KIF18A: variants seen among roughly 807,000 people sequenced by gnomAD.
KIF18A encodes kinesin-like protein KIF18A.
KIF18A carries 67 observed loss-of-function variants against 103.3 expected under a neutral mutation model. The ratio of observed to expected loss-of-function variants is 0.65; its 90% CI spans 0.53 to 0.79. The LOEUF (loss-of-function observed/expected upper bound fraction) is 0.79. KIF18A is among the 30% of genes least tolerant of loss of function. KIF18A has a pLI of 0.00. For missense variants in KIF18A, 1,032 were observed against 1,062.5 expected (o/e 0.97, Z 0.40); for synonymous variants, 367 against 355.5 (o/e 1.03, Z -0.36).
intron 15 of KIF18A, among the ~76,000 whole-genome samples, chr11:28,029,692 A>G (rs1410018615): frequency 2.0e-5 from 3 of 151,448 alleles, no homozygotes; most frequent in Non-Finnish European, 4.4e-5. Context: ...CAATGAGGCA[A>G]GAGAAGGAAA....
At chr11:28,080,512 T>A (rs1222140243) in intron 9 of KIF18A, among the ~76,000 whole-genome samples, 1 of 152,130 alleles carries the variant, frequency 6.6e-6, no homozygotes, top group Non-Finnish European at 1.5e-5. Flanking sequence ...CATGGTGATT[T>A]GTGACCAATG....
intron 13 of KIF18A, among the ~76,000 whole-genome samples, chr11:28,058,489 GAAAAAAA>G (rs34177202): frequency 3.7e-5 from 2 of 54,246 alleles, no homozygotes; most frequent in Non-Finnish European, 6.6e-5. Flanking sequence ...GTTTCTACAG[GAAAAAAA>G]AAAAAAAAAA....
At chr11:28,080,124 A>T (rs1851145939) in intron 9 of KIF18A, among the ~76,000 whole-genome samples, 1 of 152,148 alleles carries the variant, frequency 6.6e-6, no homozygotes, top group Non-Finnish European at 1.5e-5. Flanking sequence ...AGAAAAGAAC[A>T]ATATGAGCGC....
chr11:28,099,362 C>T (rs928252204), intron 1 of KIF18A, among the ~76,000 whole-genome samples: 5 of 151,882 alleles, frequency 3.3e-5, no homozygotes, highest in Non-Finnish European at 7.4e-5. Flanking sequence ...AAATGTTGGT[C>T]AAAGGGTACA....
At chr11:28,036,112 T>C (rs1850483603) in intron 14 of KIF18A, 105 bp downstream of exon 14, 2 of 648,530 alleles carry the variant, frequency 3.1e-6, no homozygotes, top group Non-Finnish European at 5.1e-6. Context: ...TAAAACAGAC[T>C]GTTTTATAAT....
chr11:28,086,298 A>C (rs1851227840), intron 6 of KIF18A, among the ~76,000 whole-genome samples: 1 of 152,152 alleles, frequency 6.6e-6, no homozygotes, highest in African/African-American at 2.4e-5. Context: ...TAACCATCTA[A>C]TATCGATATG....
rs60587483 is a variant in KIF18A at position 28,024,191 on chromosome 11, T to TA, written c.2505-342dup. Among the ~76,000 whole-genome samples, 488 of 111,010 alleles carry TA rather than the reference T, an allele frequency of 4.4e-3. 3 individuals are homozygous for TA. Among genetic ancestry groups the TA allele is most frequent in the African/African-American group, 6.9e-3 (209 of 30,252 alleles). The allele number at this position is 111,010 out of a possible 152,430, so 72.8% of individuals were successfully genotyped here. On this transcript the variant is annotated intron_variant, in intron 15 of 16. Coordinates refer to ENST00000263181, the MANE Select transcript of KIF18A (RefSeq NM_031217.4). ...TCAGTAGCACATAGTCACAAGAGGTTAAAAAAAAAAAAAAAAAAAACTAAG... is the reference window on the plus strand; with the variant it reads ...TCAGTAGCACATAGTCACAAGAGGTTAAAAAAAAAAAAAAAAAAAAACTAAG...
intron 4 of KIF18A, 112 bp downstream of exon 4, chr11:28,091,297 C>T: frequency 1.7e-6 from 1 of 600,296 alleles, no homozygotes; most frequent in East Asian, 2.8e-5. Flanking sequence ...AAATTCTGTA[C>T]CTCATTAGTT....
rs767578881 is a variant in KIF18A, at chr11:28,031,737, A to G, written c.2504+3650T>C. On this transcript the variant is annotated intron_variant, in intron 15 of 16. Coordinates refer to ENST00000263181, the MANE Select transcript of KIF18A (RefSeq NM_031217.4). ...AGAAGGAACATATCTCAACACGATA[A>G]AAGCCATACACGACAGACCCACAGC... is the stretch of plus-strand genomic sequence containing the variant. Among the ~76,000 whole-genome samples, 6 of 152,036 alleles carry G rather than the reference A, an allele frequency of 3.9e-5. No individual in the cohort carries two copies. In the South Asian group the frequency reaches 1.0e-3, roughly 26 times the overall value.
At chr11:28,046,886 T>C (rs1406680142) in intron 13 of KIF18A, among the ~76,000 whole-genome samples, 5 of 150,684 alleles carry the variant, frequency 3.3e-5, no homozygotes, top group African/African-American at 9.7e-5. Flanking sequence ...ACCCCTTCTC[T>C]ACTAAAAATA....
At chr11:28,044,069 T>C (rs532044444) in intron 13 of KIF18A, among the ~76,000 whole-genome samples, 1 of 151,846 alleles carries the variant, frequency 6.6e-6, no homozygotes, top group Non-Finnish European at 1.5e-5. Flanking sequence ...TGGAAGTCTG[T>C]ATAAGGAAGT....
rs184167550 is a variant in KIF18A at position 28,031,813 on chromosome 11, G to A, written c.2504+3574C>T. ...CTGAAATTCTTTTCTCTAAGTTGTG[G>A]AACATGACAAGGATGCCCACTTTCA... On this transcript the variant is annotated intron_variant, in intron 15 of 16. Coordinates refer to ENST00000263181, the MANE Select transcript of KIF18A (RefSeq NM_031217.4). Among the ~76,000 whole-genome samples, 14 of 151,992 alleles carry A rather than the reference G, an allele frequency of 9.2e-5. 1 individual carries two copies. In the East Asian group the frequency reaches 2.7e-3, roughly 29 times the overall value.
chr11:28,082,430 A>C (rs767726705), intron 9 of KIF18A, among the ~76,000 whole-genome samples: 17 of 152,144 alleles, frequency 1.1e-4, no homozygotes, highest in Non-Finnish European at 2.4e-4. Context: ...ACATTGAGGG[A>C]AGACCTCCAC....
At chr11:28,096,030 A>G (rs1590711427) in intron 2 of KIF18A, among the ~76,000 whole-genome samples, 1 of 150,940 alleles carries the variant, frequency 6.6e-6, no homozygotes, top group African/African-American at 2.4e-5. Flanking sequence ...AAAGACAAAG[A>G]AAAAGAAAAA....
intron 6 of KIF18A, among the ~76,000 whole-genome samples, chr11:28,085,549 C>G (rs1197923229): frequency 6.6e-6 from 1 of 152,198 alleles, no homozygotes; most frequent in Admixed American, 6.5e-5. Flanking sequence ...CGCCATCTCT[C>G]TCTCTGTTAT....
At chr11:28,080,576 T>C (rs1428396283) in intron 9 of KIF18A, among the ~76,000 whole-genome samples, 4 of 152,130 alleles carry the variant, frequency 2.6e-5, no homozygotes, top group African/African-American at 7.2e-5. Flanking sequence ...TGTGCCCATA[T>C]AAGACAGTAA....
chr11:28,036,726 T>C (rs1236815347), intron 13 of KIF18A, 62 bp from the exon 14 acceptor site: 1 of 1,043,028 alleles, frequency 9.6e-7, no homozygotes, highest in Non-Finnish European at 1.3e-6. Context: ...ATAACCCCCA[T>C]TACTTTTAAA....
At chr11:28,057,489 T>C (rs865962780) in intron 13 of KIF18A, among the ~76,000 whole-genome samples, 3 of 151,986 alleles carry the variant, frequency 2.0e-5, no homozygotes, top group Non-Finnish European at 2.9e-5. Context: ...CACTCCAGCC[T>C]GGGTGACAGA....
At chr11:28,087,247 G>C (rs1019004050) in intron 6 of KIF18A, among the ~76,000 whole-genome samples, 2 of 151,976 alleles carry the variant, frequency 1.3e-5, no homozygotes, top group African/African-American at 4.8e-5. Flanking sequence ...CCCCCTGACA[G>C]GCCCTGCCTG....
Sources: gnomAD v4.1 joint callset for allele counts (sites outside exome capture counted in the v4.1 genomes callset) on GRCh38, gnomAD v4.1.1 for gene constraint, MANE v1.5 for transcripts, NCBI Gene and HGNC (gene_info 2026-07-23, HGNC 2026-07-21) for gene names.